Variants in CFI observed in about 807,000 individuals in gnomAD.
The protein encoded by CFI is complement factor I, also known as C3B/C4B inactivator.
In CFI, 66 loss-of-function variants were observed where a neutral mutation model predicts 78.8. The ratio of observed to expected loss-of-function variants is 0.84; its 90% CI spans 0.69 to 1.03. CFI has a LOEUF of 1.03. Ranked by LOEUF, CFI falls within the 50% of genes least tolerant of loss-of-function variation. The probability of loss-of-function intolerance (pLI) is 0.00; values close to 1 mark genes in which losing one functional copy is unlikely to be tolerated. For missense variants in CFI, 706 were observed against 704.5 expected, an observed-to-expected ratio of 1.00 and a Z score of -0.02; for synonymous variants, 250 against 232.6, an observed-to-expected ratio of 1.07 and a Z score of -0.68.
At chr4:109,755,121 G>C (rs966124312) in intron 7 of CFI, among the ~76,000 whole-genome samples, 9 of 152,148 alleles carry the variant, frequency 5.9e-5, no homozygotes, top group Admixed American at 2.0e-4. Context: ...ATTGAGCAAA[G>C]GATGTGAACC....
chr4:109,770,862 G>T (rs932871210), intron 1 of CFI, among the ~76,000 whole-genome samples: 1 of 152,130 alleles, frequency 6.6e-6, no homozygotes, highest in Non-Finnish European at 1.5e-5. Flanking sequence ...CCCCAGAAAA[G>T]CTTAGGAACT....
At chr4:109,765,257 T>A (rs13129180) in intron 2 of CFI, among the ~76,000 whole-genome samples, 92,497 of 151,952 alleles carry the variant, frequency 0.61, 30,138 homozygotes, top group Non-Finnish European at 0.74. Context: ...TAACTCAGCA[T>A]CTCAAAAACA....
intron 7 of CFI, among the ~76,000 whole-genome samples, chr4:109,752,804 T>C (rs923550841): frequency 6.9e-6 from 1 of 144,312 alleles, no homozygotes; most frequent in Non-Finnish European, 1.5e-5. Flanking sequence ...GCACGCAAAA[T>C]GCACAGCCCA....
rs1727054217 is a variant in CFI at position 109,761,535 on chromosome 4, A to G, written c.640T>C (p.Cys214Arg). The G allele has an allele frequency of 6.2e-7, 1 of 1,614,186 alleles. No individual in the cohort carries two copies. The highest frequency in any genetic ancestry group is 8.5e-7 in the Non-Finnish European group (1 of 1,180,016). ...CACCAACCTGCTTTCTGTGTATAAC[A>G]AACCACATCAGCGAAATCCTGGTAA... ...MGYQDFADVV[C>R]YTQKADSPMD... The change falls in exon 4 of 13, where the codon TGT (cysteine) becomes CGT (arginine). Residue 214 changes from cysteine (C) to arginine (R), a missense_variant. Cys to Arg is a radical substitution (Grantham distance 180). Transcript: ENST00000394634.
At chr4:109,732,765 G>A in the CFI span, among the ~76,000 whole-genome samples, 1 of 151,472 alleles carries the variant, frequency 6.6e-6, no homozygotes, top group African/African-American at 2.4e-5. Context: ...GCTGAGGCAG[G>A]TGAATGGCGT....
chr4:109,773,634 C>T (rs1728863309), intron 1 of CFI, among the ~76,000 whole-genome samples: 1 of 152,170 alleles, frequency 6.6e-6, no homozygotes, highest in Non-Finnish European at 1.5e-5. Context: ...CCCTCGAGAA[C>T]TACTGGTGTA....
chr4:109,780,850 A>G, intron 1 of CFI, among the ~76,000 whole-genome samples: 1 of 152,182 alleles, frequency 6.6e-6, no homozygotes, highest in Non-Finnish European at 1.5e-5. Context: ...CTTTGTAGGG[A>G]CATGGATGAA....
rs556974725 is a variant in CFI, at chr4:109,773,384, C to T, written c.58-6560G>A. On this transcript the variant is annotated intron_variant, in intron 1 of 12. Transcript: ENST00000394634. ...TACAAAAATTAGCGGGGCATGGTGG[C>T]GTGTGCATGTAATCCCAGCTACTCA... is the stretch of plus-strand genomic sequence containing the variant. 1.6e-4 allele frequency among the ~76,000 whole-genome samples: 24 copies of T among 152,158 alleles called. No homozygotes were observed. The South Asian group carries it at 3.3e-3, about 21-fold the overall frequency.
intron 1 of CFI, among the ~76,000 whole-genome samples, chr4:109,774,999 T>C (rs1342872358): frequency 6.6e-6 from 1 of 152,166 alleles, no homozygotes; most frequent in Non-Finnish European, 1.5e-5. Context: ...GGTTGTGTCA[T>C]TATTGTCATT....
In CFI at chr4:109,757,790, A is replaced by G. The variant is rs140555685; in HGVS notation, c.884-7T>C. The G allele has an allele frequency of 7.7e-3, 11,046 of 1,443,382 alleles. 998 individuals carry two copies. The Admixed American group carries it at 0.17, about 23-fold the overall frequency. The allele number at this position is 1,443,382 out of a possible 1,614,324, so 89.4% of individuals were successfully genotyped here. ...TGAGTCACAGATGCAAAGCCTGAAG[A>G]AAACAAAAACAAAAAATTTATCAAA... On this transcript the variant is annotated splice_polypyrimidine_tract_variant and splice_region_variant and intron_variant, in intron 6 of 12. Coordinates refer to ENST00000394634, the MANE Select transcript of CFI (RefSeq NM_000204.5).
chr4:109,782,022 A>C (rs1048660883), intron 1 of CFI, among the ~76,000 whole-genome samples: 1 of 152,140 alleles, frequency 6.6e-6, no homozygotes, highest in Non-Finnish European at 1.5e-5. Context: ...ATGTAATAAA[A>C]GCTATCTATG....
At chr4:109,786,862 T>C (rs558981651) in intron 1 of CFI, among the ~76,000 whole-genome samples, 1 of 152,268 alleles carries the variant, frequency 6.6e-6, no homozygotes, top group South Asian at 2.1e-4. Context: ...AGACTGCCTA[T>C]AGCCCCTCCT....
intron 1 of CFI, among the ~76,000 whole-genome samples, chr4:109,780,054 G>A (rs188304435): frequency 5.5e-4 from 84 of 152,012 alleles, no homozygotes; most frequent in African/African-American, 1.7e-3. Flanking sequence ...AGAAGAAAAC[G>A]CAGGCAACAC....
intron 1 of CFI, among the ~76,000 whole-genome samples, chr4:109,779,362 A>C (rs1372883659): frequency 6.6e-6 from 1 of 152,200 alleles, no homozygotes; most frequent in African/African-American, 2.4e-5. Context: ...GAGCCAAATC[A>C]TGAGTGAACT....
At chr4:109,742,917 G>A (rs1723984786) in intron 11 of CFI, among the ~76,000 whole-genome samples, 1 of 152,130 alleles carries the variant, frequency 6.6e-6, no homozygotes, top group Non-Finnish European at 1.5e-5. Flanking sequence ...CAGTGATAAG[G>A]TCTTTTCACA....
the CFI span, among the ~76,000 whole-genome samples, chr4:109,731,627 G>C: frequency 6.6e-6 from 1 of 152,186 alleles, no homozygotes; most frequent in South Asian, 2.1e-4. Context: ...TACAAACAGG[G>C]TAGCCCAACA....
At chr4:109,741,371 T>A in intron 12 of CFI, 1 of 985,416 alleles carries the variant, frequency 1.0e-6, no homozygotes, top group African/African-American at 1.7e-5. Flanking sequence ...AGTACTGAGA[T>A]GAGATTGCAA....
At chr4:109,797,950 G>A (rs974129618) in intron 1 of CFI, among the ~76,000 whole-genome samples, 2 of 152,158 alleles carry the variant, frequency 1.3e-5, no homozygotes, top group African/African-American at 4.8e-5. Flanking sequence ...AGTTGTGGAA[G>A]AATTGATAAA....
chr4:109,747,066 T>A (rs1277872310), intron 10 of CFI, among the ~76,000 whole-genome samples: 4 of 152,238 alleles, frequency 2.6e-5, no homozygotes, highest in African/African-American at 9.6e-5. Flanking sequence ...GCAGCCCTGG[T>A]GCCTACTATT....
Sources: allele counts gnomAD v4.1 joint callset (sites outside exome capture counted in the v4.1 genomes callset), GRCh38; gene constraint gnomAD v4.1.1; transcripts MANE v1.5; gene names NCBI Gene and HGNC (gene_info 2026-07-23, HGNC 2026-07-21).